ATF7IP: variants seen among roughly 807,000 people sequenced by gnomAD.
The protein encoded by ATF7IP is activating transcription factor 7-interacting protein 1.
ATF7IP carries 23 observed loss-of-function variants against 106.4 expected under a neutral mutation model. That is an observed-to-expected ratio of 0.22 (90% confidence interval 0.16 to 0.31). The LOEUF is 0.31. ATF7IP is among the 10% of genes least tolerant of loss of function. ATF7IP has a pLI of 1.00. For missense variants in ATF7IP, 1,334 were observed against 1,524.3 expected (o/e 0.88, Z 2.08); for synonymous variants, 542 against 539.0 (o/e 1.01, Z -0.08).
At position 14,425,054 on chromosome 12, in the gene ATF7IP, C is replaced by T; in HGVS notation, c.1139C>T (p.Ala380Val). 3 of 1,604,996 alleles carry T rather than the reference C, an allele frequency of 1.9e-6. No individual in the cohort carries two copies. The highest frequency in any genetic ancestry group is 2.5e-6 in the Non-Finnish European group (3 of 1,177,594). The change falls in exon 2 of 15, where the codon GCT becomes GTT. Residue 380 changes from alanine (A) to valine (V), a missense_variant. Transcript: ENST00000261168. ...GAGGAAGATATTATCACAGAGCTTG[C>T]TCTTGGAGAAGATGCTATATCTAGC... The part of the protein sequence containing the change: ...KVEEDIITEL[A>V]LGEDAISSSM...
intron 10 of ATF7IP, among the ~76,000 whole-genome samples, chr12:14,468,609 A>G (rs937842110): frequency 6.6e-6 from 1 of 152,204 alleles, no homozygotes. Flanking sequence ...AGGAAGAGGA[A>G]TTTAATATCT....
intron 6 of ATF7IP, among the ~76,000 whole-genome samples, chr12:14,447,471 G>A (rs916050667): frequency 1.3e-5 from 2 of 151,708 alleles, no homozygotes; most frequent in East Asian, 1.9e-4. Flanking sequence ...TAGTAGAGAC[G>A]GGGTTTCACC....
At chr12:14,477,197 A>T (rs1425268249) in intron 11 of ATF7IP, among the ~76,000 whole-genome samples, 1 of 152,216 alleles carries the variant, frequency 6.6e-6, no homozygotes, top group Non-Finnish European at 1.5e-5. Context: ...ATATTTTAAA[A>T]ATAATATTTT....
At chr12:14,371,209 C>T (rs1000022191) in intron 1 of ATF7IP, among the ~76,000 whole-genome samples, 1 of 151,946 alleles carries the variant, frequency 6.6e-6, no homozygotes, top group East Asian at 1.9e-4. Flanking sequence ...GCCAAAATAA[C>T]ATTTTTATTG....
intron 5 of ATF7IP, among the ~76,000 whole-genome samples, chr12:14,439,568 C>T (rs886336004): frequency 2.0e-5 from 3 of 152,120 alleles, no homozygotes; most frequent in Non-Finnish European, 4.4e-5. Context: ...TAGTGGCTCA[C>T]GCCTGTGAGC....
chr12:14,400,069 A>G (rs1457844632), intron 1 of ATF7IP, among the ~76,000 whole-genome samples: 1 of 152,146 alleles, frequency 6.6e-6, no homozygotes, highest in African/African-American at 2.4e-5. Flanking sequence ...GGAAGAGAGA[A>G]TGTCTGATGA....
In ATF7IP at chr12:14,380,055, G is replaced by T. The variant is rs186592846; in HGVS notation, c.-8+14228G>T. Among the ~76,000 whole-genome samples, 20 of 152,062 alleles carry T rather than the reference G, an allele frequency of 1.3e-4. No homozygotes were observed. The East Asian group carries it at 3.3e-3, about 25-fold the overall frequency. ...ATACTCCAATTGTATCTTTTCTTCT[G>T]ATTTGTAATTTTGTCTTTTTGCTAA... is the stretch of plus-strand genomic sequence containing the variant. On this transcript the variant is annotated intron_variant, in intron 1 of 14. Transcript: ENST00000261168.
intron 13 of ATF7IP, among the ~76,000 whole-genome samples, chr12:14,484,672 T>C (rs977783101): frequency 6.6e-6 from 1 of 152,258 alleles, no homozygotes; most frequent in East Asian, 1.9e-4. Flanking sequence ...CAAGTGATCA[T>C]AGGGACCCCT....
At chr12:14,404,996 T>G (rs1007549560) in intron 1 of ATF7IP, among the ~76,000 whole-genome samples, 10 of 152,352 alleles carry the variant, frequency 6.6e-5, no homozygotes, top group African/African-American at 2.4e-4. Context: ...AAACTTTTTT[T>G]AATCGCTTTT....
Position 14,492,289 on chromosome 12 carries a change from G to A in ATF7IP, c.3281-3942G>A, listed in dbSNP as rs141044291. On this transcript the variant is annotated intron_variant, in intron 13 of 14. Coordinates refer to ENST00000261168, the MANE Select transcript of ATF7IP (RefSeq NM_018179.5). ...TGATGCTTTGGGTCTCCTGGGATCA[G>A]TGTAAGCTCAGAACCAGTGTCCAGT... Among the ~76,000 whole-genome samples the A allele has an allele frequency of 1.1e-3, 161 of 152,300 alleles. 1 individual carries two copies. Among genetic ancestry groups the A allele is most frequent in the East Asian group, 3.1e-3 (16 of 5,184 alleles).
intron 13 of ATF7IP, among the ~76,000 whole-genome samples, chr12:14,492,139 G>A (rs2136860930): frequency 6.6e-6 from 1 of 152,230 alleles, no homozygotes; most frequent in East Asian, 1.9e-4. Flanking sequence ...ATGCATTTTG[G>A]CACTGGGGAA....
intron 1 of ATF7IP, among the ~76,000 whole-genome samples, chr12:14,417,654 G>GATT (rs1421614681): frequency 1.3e-5 from 2 of 152,064 alleles, no homozygotes; most frequent in Non-Finnish European, 2.9e-5. Flanking sequence ...TATATTTCTT[G>GATT]AAATGTTCAT....
At chr12:14,378,296 C>G (rs1938846754) in intron 1 of ATF7IP, among the ~76,000 whole-genome samples, 1 of 151,884 alleles carries the variant, frequency 6.6e-6, no homozygotes, top group Non-Finnish European at 1.5e-5. Context: ...TGGAGTTTTG[C>G]CATGTTGGCC....
At chr12:14,485,937 C>T (rs957188636) in intron 13 of ATF7IP, among the ~76,000 whole-genome samples, 25 of 152,134 alleles carry the variant, frequency 1.6e-4, no homozygotes, top group African/African-American at 5.3e-4. Context: ...GCATCTTTCA[C>T]GTCCTTGATG....
At chr12:14,389,813 G>T (rs1401399881) in intron 1 of ATF7IP, among the ~76,000 whole-genome samples, 1 of 152,096 alleles carries the variant, frequency 6.6e-6, no homozygotes, top group African/African-American at 2.4e-5. Flanking sequence ...TTTTAGTAGA[G>T]ACTGGGTTTC....
At chr12:14,496,089 G>A (rs1945003619) in intron 13 of ATF7IP, 142 bp from the exon 14 acceptor site, 6 of 579,920 alleles carry the variant, frequency 1.0e-5, no homozygotes, top group Middle Eastern at 8.8e-4. Flanking sequence ...GGCTGAATAC[G>A]AACAGGACCT....
chr12:14,423,574 C>CTTTTTTTTTTTTTTTTTTTTTTTTTTTTT, intron 1 of ATF7IP, among the ~76,000 whole-genome samples: 4 of 34,428 alleles, frequency 1.2e-4, no homozygotes, highest in East Asian at 7.1e-4. Flanking sequence ...TCTTCAGGTA[C>CTTTTTTTTTTTTTTTTTTTTTTTTTTTTT]TTTTTTTTTT....
At chr12:14,462,124 A>G (rs930722090) in intron 9 of ATF7IP, among the ~76,000 whole-genome samples, 2 of 152,098 alleles carry the variant, frequency 1.3e-5, no homozygotes, top group South Asian at 4.1e-4. Context: ...TTGAAGCTGG[A>G]TATCACTCAT....
chr12:14,405,990 A>G (rs905311523), intron 1 of ATF7IP, among the ~76,000 whole-genome samples: 1 of 152,202 alleles, frequency 6.6e-6, no homozygotes, highest in Non-Finnish European at 1.5e-5. Flanking sequence ...ATGAGCAAAA[A>G]TTATTTTAAA....
Sources: allele counts gnomAD v4.1 joint callset (sites outside exome capture counted in the v4.1 genomes callset), GRCh38; gene constraint gnomAD v4.1.1; transcripts MANE v1.5; gene names NCBI Gene and HGNC (gene_info 2026-07-23, HGNC 2026-07-21).